MGAT5B: variants seen among roughly 807,000 people sequenced by gnomAD.
MGAT5B encodes alpha-1,6-mannosylglycoprotein 6-beta-N-acetylglucosaminyltransferase B.
MGAT5B carries 54 observed loss-of-function variants against 95.1 expected under a neutral mutation model. The observed-to-expected ratio is 0.57, with a 90% CI of 0.46 to 0.71. The LOEUF (loss-of-function observed/expected upper bound fraction) is 0.71, where lower values mean the gene tolerates loss of function less well. Ranked by LOEUF, MGAT5B falls within the 30% of genes least tolerant of loss-of-function variation. The probability of loss-of-function intolerance (pLI) is 0.00; values close to 1 mark genes in which losing one functional copy is unlikely to be tolerated. For synonymous variants in MGAT5B, 464 were observed against 451.0 expected (o/e 1.03, Z -0.36); for missense variants, 935 against 1,088.6 (o/e 0.86, Z 1.99).
At chr17:76,924,905 G>C in intron 8 of MGAT5B, 61 bp from the exon 9 acceptor site, 1 of 1,598,064 alleles carries the variant, frequency 6.3e-7, no homozygotes, top group Non-Finnish European at 8.5e-7. Flanking sequence ...TAAGGAACTG[G>C]GGTGGCCGGT....
intron 12 of MGAT5B, 30 bp from the exon 13 acceptor site, chr17:76,937,958 G>A: frequency 6.2e-7 from 1 of 1,608,048 alleles, no homozygotes; most frequent in South Asian, 1.1e-5. Flanking sequence ...GTTTGCATGT[G>A]GTTCCCATCT....
intron 10 of MGAT5B, among the ~76,000 whole-genome samples, chr17:76,932,048 CT>C (rs1969496347): frequency 7.0e-6 from 1 of 142,602 alleles, no homozygotes; most frequent in Non-Finnish European, 1.5e-5. Context: ...TCCTCCTCCT[CT>C]TTCTCCTCCT....
intron 5 of MGAT5B, 49 bp downstream of exon 5, chr17:76,903,425 T>A: frequency 6.7e-7 from 1 of 1,498,992 alleles, no homozygotes; most frequent in Non-Finnish European, 9.1e-7. Context: ...AGGGCCTCTC[T>A]GTCTGGCCCT....
At chr17:76,876,253 A>C (rs764512356) in intron 2 of MGAT5B, among the ~76,000 whole-genome samples, 48 of 152,004 alleles carry the variant, frequency 3.2e-4, no homozygotes, top group Non-Finnish European at 5.9e-4. Flanking sequence ...CACTTAGGAG[A>C]TGCCTGAGGG....
chr17:76,933,212 G>A, intron 11 of MGAT5B, 80 bp from the exon 12 acceptor site: 1 of 1,578,074 alleles, frequency 6.3e-7, no homozygotes, highest in Non-Finnish European at 8.6e-7. Context: ...GGAGCTGCCT[G>A]CATGGGGTGT....
chr17:76,911,765 T>C (rs1567809290), intron 8 of MGAT5B, among the ~76,000 whole-genome samples: 1 of 152,104 alleles, frequency 6.6e-6, no homozygotes, highest in Non-Finnish European at 1.5e-5. Flanking sequence ...GTCAATACAG[T>C]TTGAGATGTG....
At chr17:76,928,569 G>T (rs936166373) in intron 10 of MGAT5B, among the ~76,000 whole-genome samples, 5 of 152,028 alleles carry the variant, frequency 3.3e-5, no homozygotes, top group Admixed American at 2.6e-4. Context: ...GCCGGGTGTG[G>T]TCGTGGGTGC....
In MGAT5B at chr17:76,869,004, G is replaced by A. The variant is rs1418328994; in HGVS notation, c.-26G>A. The A allele has an allele frequency of 1.2e-6, 2 of 1,612,448 alleles. No homozygotes were observed. Among genetic ancestry groups the A allele is most frequent in the Non-Finnish European group, 1.7e-6 (2 of 1,178,918 alleles). Reference sequence around the variant, plus strand: ...GACGGTGCGTCCGGCCTCGCCCGCGGCTGCTCGCACCAACAAGTTTGAACA... The same window carrying A: ...GACGGTGCGTCCGGCCTCGCCCGCGACTGCTCGCACCAACAAGTTTGAACA... On this transcript the variant is annotated 5_prime_UTR_variant, in exon 1 of 18. Transcript: ENST00000569840. This position sits in a 1 kb window ranked among gnomAD's most constrained non-coding sequence, Gnocchi z 7.0.
chr17:76,908,760 T>G (rs1373472039), intron 8 of MGAT5B, among the ~76,000 whole-genome samples: 1 of 152,134 alleles, frequency 6.6e-6, no homozygotes, highest in Non-Finnish European at 1.5e-5. Context: ...TTCAAGCTAT[T>G]TTGAAATCTA....
In MGAT5B at chr17:76,948,921, C is replaced by A; in HGVS notation, c.*83C>A. ...AGCACCAGCAGGTTCTGAGCCCTGGCTGCTTGTCCTCCTCGCAACCCCCCC... is the reference window on the plus strand; with the variant it reads ...AGCACCAGCAGGTTCTGAGCCCTGGATGCTTGTCCTCCTCGCAACCCCCCC... On this transcript the variant is annotated 3_prime_UTR_variant, in exon 18 of 18. Coordinates refer to ENST00000569840, the MANE Select transcript of MGAT5B (RefSeq NM_001199172.2). 7.1e-7 allele frequency: 1 copy of A among 1,409,188 alleles called. No individual in the cohort carries two copies. The highest frequency in any genetic ancestry group is 1.4e-5 in the South Asian group (1 of 73,988). The allele number at this position is 1,409,188 out of a possible 1,614,324, so 87.3% of individuals were successfully genotyped here. A position where few individuals can be genotyped will look rare whatever the true frequency, so the allele number is the denominator to read the frequency against.
rs1487993121 is a variant in MGAT5B at position 76,870,622 on chromosome 17, G to A, written c.68+1525G>A. 2.0e-5 allele frequency among the ~76,000 whole-genome samples: 3 copies of A among 151,990 alleles called. No individual in the cohort carries two copies. Among genetic ancestry groups the A allele is most frequent in the African/African-American group, 7.2e-5 (3 of 41,390 alleles). Reference sequence around the variant, plus strand: ...TGGTCCTGCCCTGGTTTTCTTTCAGGCCCTTATCTGAAGGCAGGATTGGGG... The same window carrying A: ...TGGTCCTGCCCTGGTTTTCTTTCAGACCCTTATCTGAAGGCAGGATTGGGG... On this transcript the variant is annotated intron_variant, in intron 1 of 17. Transcript: ENST00000569840. This position sits in a 1 kb window ranked among gnomAD's most constrained non-coding sequence, Gnocchi z 5.0.
intron 11 of MGAT5B, 63 bp downstream of exon 11, chr17:76,932,838 C>G: frequency 6.3e-7 from 1 of 1,587,120 alleles, no homozygotes; most frequent in Admixed American, 1.9e-5. Flanking sequence ...CGCCTGGGTC[C>G]CGCATCTCCT....
At chr17:76,927,830 G>T (rs570326638) in intron 10 of MGAT5B, among the ~76,000 whole-genome samples, 1 of 152,348 alleles carries the variant, frequency 6.6e-6, no homozygotes, top group East Asian at 1.9e-4. Context: ...CTCTTTCAAG[G>T]CTCCAGGCCA....
At chr17:76,892,237 G>A (rs1673934182) in intron 3 of MGAT5B, among the ~76,000 whole-genome samples, 1 of 152,038 alleles carries the variant, frequency 6.6e-6, no homozygotes, top group Non-Finnish European at 1.5e-5. Flanking sequence ...TAGGGGAGAT[G>A]GGGTTTCACC....
chr17:76,938,699 G>C lies in MGAT5B; in HGVS notation c.1584+556G>C, dbSNP rs984662568. 1.4e-4 allele frequency among the ~76,000 whole-genome samples: 22 copies of C among 152,124 alleles called. No homozygotes were observed. Among genetic ancestry groups the C allele is most frequent in the African/African-American group, 5.1e-4 (21 of 41,426 alleles). ...CACCCCCTCACCCTCTTTTTTATGA[G>C]ACAGGGTCTTGCTCTGTCACCCACG... is the stretch of plus-strand genomic sequence containing the variant. On this transcript the variant is annotated intron_variant, in intron 13 of 17. Coordinates refer to ENST00000569840, the MANE Select transcript of MGAT5B (RefSeq NM_001199172.2). The surrounding 1 kb of genome is among the most constrained non-coding windows in gnomAD (Gnocchi z 4.3).
At position 76,869,756 on chromosome 17, in the gene MGAT5B, C is replaced by T. The variant is rs1598877909; in HGVS notation, c.68+659C>T. Among the ~76,000 whole-genome samples, 1 of 152,292 alleles carries T rather than the reference C, an allele frequency of 6.6e-6. No homozygotes were observed. The highest frequency in any genetic ancestry group is 2.4e-5 in the African/African-American group (1 of 41,568). On this transcript the variant is annotated intron_variant, in intron 1 of 17. Coordinates refer to ENST00000569840, the MANE Select transcript of MGAT5B (RefSeq NM_001199172.2). This position sits in a 1 kb window ranked among gnomAD's most constrained non-coding sequence, Gnocchi z 7.0. ...TACGGGGCGGCTGGAGCCGAGGCTGCGGCGGAGCGTGGTGGGCGGGCGGTG... is the reference window on the plus strand; with the variant it reads ...TACGGGGCGGCTGGAGCCGAGGCTGTGGCGGAGCGTGGTGGGCGGGCGGTG...
intron 11 of MGAT5B, 130 bp from the exon 12 acceptor site, chr17:76,933,162 G>A (rs1969549643): frequency 1.2e-5 from 13 of 1,110,838 alleles, no homozygotes; most frequent in Non-Finnish European, 1.7e-5. Flanking sequence ...GAGAGGCTTA[G>A]AGATTAGAAC....
At position 76,947,903 on chromosome 17, in the gene MGAT5B, A is replaced by G. The variant is rs753863178; in HGVS notation, c.1997A>G (p.Asn666Ser). Reference sequence around the variant, plus strand: ...CAGAGCCCCTTTGTCCTGGCCCCCAATGCCACCCACCTCGAGTGGGCTCGG... The same window carrying G: ...CAGAGCCCCTTTGTCCTGGCCCCCAGTGCCACCCACCTCGAGTGGGCTCGG... ...APQSPFVLAP[N>S]ATHLEWARNT... Residue 666 changes from asparagine to serine, a missense_variant, in exon 17 of 18, where the codon AAT (asparagine) becomes AGT (serine). By Grantham distance (46) the Asn-to-Ser change is conservative. This residue lies in a region of MGAT5B where 440 missense variants were observed against 523.6 expected (regional missense o/e 0.84). Coordinates refer to ENST00000569840, the MANE Select transcript of MGAT5B (RefSeq NM_001199172.2). 7.4e-6 allele frequency: 12 copies of G among 1,612,918 alleles called. No homozygotes were observed. The highest frequency in any genetic ancestry group is 1.0e-5 in the Non-Finnish European group (12 of 1,179,408).
Position 76,912,738 on chromosome 17 carries a change from G to A in MGAT5B, c.1025+6551G>A, listed in dbSNP as rs145729622. ...GCTTCCGGGGTGAGGGAGGTGGCAC[G>A]AGGGAGCCGTGCGCTCTGTGATGAG... On this transcript the variant is annotated intron_variant, in intron 8 of 17. Transcript: ENST00000569840. The surrounding 1 kb of genome is among the most constrained non-coding windows in gnomAD (Gnocchi z 5.0). Among the ~76,000 whole-genome samples, 87 of 152,238 alleles carry A rather than the reference G, an allele frequency of 5.7e-4. No homozygotes were observed. The East Asian group carries it at 0.014, about 25-fold the overall frequency.
Sources: allele counts gnomAD v4.1 joint callset (sites outside exome capture counted in the v4.1 genomes callset), GRCh38; gene constraint gnomAD v4.1.1; regional missense constraint gnomAD v4.1.1; non-coding constraint Gnocchi (gnomAD v3.1); transcripts MANE v1.5; gene names NCBI Gene and HGNC (gene_info 2026-07-23, HGNC 2026-07-21).